Variants in PIEZO2 observed in about 807,000 individuals in gnomAD.
PIEZO2 encodes piezo type mechanosensitive ion channel component 2.
In PIEZO2, 172 loss-of-function variants were observed where a neutral mutation model predicts 337.3. The ratio of observed to expected loss-of-function variants is 0.51; its 90% CI spans 0.45 to 0.58. The LOEUF (loss-of-function observed/expected upper bound fraction) is 0.58. PIEZO2 is among the 20% of genes least tolerant of loss of function. The pLI, the probability that PIEZO2 is intolerant of heterozygous loss-of-function variation, is 0.00. For missense variants in PIEZO2, 3,028 were observed against 3,391.3 expected (o/e 0.89, Z 2.66); for synonymous variants, 1,251 against 1,228.5 (o/e 1.02, Z -0.38).
At chr18:10,738,570 T>C (rs1479661511) in intron 33 of PIEZO2, 1 of 152,216 alleles carries the variant, frequency 6.6e-6, no homozygotes. Context: ...ATTCATGCCA[T>C]CTGTTAAATT....
At chr18:10,808,755 A>C (rs1202262365) in intron 7 of PIEZO2, among the ~76,000 whole-genome samples, 2 of 152,198 alleles carry the variant, frequency 1.3e-5, no homozygotes, top group Non-Finnish European at 2.9e-5. Flanking sequence ...CTTTCTGAAA[A>C]TGTTTTTGCA....
chr18:10,700,690 C>T (rs1306559953), intron 43 of PIEZO2, among the ~76,000 whole-genome samples: 2 of 152,078 alleles, frequency 1.3e-5, no homozygotes, highest in East Asian at 1.9e-4. Context: ...GTATTAAATA[C>T]TGAAATTTAA....
At chr18:11,100,877 G>GTA (rs1179298496) in intron 1 of PIEZO2, among the ~76,000 whole-genome samples, 6 of 152,182 alleles carry the variant, frequency 3.9e-5, no homozygotes, top group Non-Finnish European at 8.8e-5. Context: ...TTACAGGCAT[G>GTA]AGCCACCGTG....
intron 2 of PIEZO2, among the ~76,000 whole-genome samples, chr18:11,013,773 TGTG>T (rs981598089): frequency 7.9e-5 from 12 of 152,306 alleles, no homozygotes; most frequent in African/African-American, 2.4e-4. Flanking sequence ...GGTCCTTTGA[TGTG>T]GTGAGATGGG....
chr18:10,977,743 G>A (rs142856898), intron 3 of PIEZO2, among the ~76,000 whole-genome samples: 130 of 152,166 alleles, frequency 8.5e-4, no homozygotes, highest in African/African-American at 3.0e-3. Flanking sequence ...CCAAGAAAAG[G>A]GTTAAAGTAT....
At position 10,993,513 on chromosome 18, in the gene PIEZO2, T is replaced by TTTGTTGTTG. The variant is rs143536796; in HGVS notation, c.161-13862_161-13854dup. Among the ~76,000 whole-genome samples the TTTGTTGTTG allele has an allele frequency of 2.0e-5, 3 of 151,616 alleles. No homozygotes were observed. The highest frequency in any genetic ancestry group is 6.6e-5 in the Admixed American group (1 of 15,224). On this transcript the variant is annotated intron_variant, in intron 2 of 55. Transcript: ENST00000674853. This position sits in a 1 kb window ranked among gnomAD's most constrained non-coding sequence, Gnocchi z 5.0. The stretch of plus-strand genomic sequence containing the variant: ...TTCTGTTTATGTGATAGATTACGTT[T>TTTGTTGTTG]TTGTTGTTGTTGTTGTTGTTGTTGT...
chr18:11,027,956 A>G lies in PIEZO2; in HGVS notation c.160+38171T>C, dbSNP rs375769778. Among the ~76,000 whole-genome samples, 2 of 152,236 alleles carry G rather than the reference A, an allele frequency of 1.3e-5. No individual in the cohort carries two copies. Among genetic ancestry groups the G allele is most frequent in the Non-Finnish European group, 2.9e-5 (2 of 68,040 alleles). ...GTACTCTTTGATAAATTCTTCAAAC[A>G]CTGTTTCTGAGAATGATCTCACAGA... On this transcript the variant is annotated intron_variant, in intron 2 of 55. Transcript: ENST00000674853. This position sits in a 1 kb window ranked among gnomAD's most constrained non-coding sequence, Gnocchi z 4.2.
chr18:11,008,511 C>T (rs1412396268), intron 2 of PIEZO2, among the ~76,000 whole-genome samples: 1 of 152,168 alleles, frequency 6.6e-6, no homozygotes, highest in Non-Finnish European at 1.5e-5. Flanking sequence ...CTGTGTGAGC[C>T]TGTCTTTGGC....
rs778544795 is a variant in PIEZO2, at chr18:10,804,041, T to C, written c.1081-47A>G. 12 of 1,528,610 alleles carry C rather than the reference T, an allele frequency of 7.9e-6. No individual in the cohort carries two copies. In the South Asian group the frequency reaches 1.4e-4, roughly 18 times the overall value. 94.7% of individuals were successfully genotyped at this position (1,528,610 alleles called of 1,614,324 possible). A position where few individuals can be genotyped will look rare whatever the true frequency, so the allele number is the denominator to read the frequency against. On this transcript the variant is annotated intron_variant, in intron 8 of 55. Coordinates refer to ENST00000674853, the MANE Select transcript of PIEZO2 (RefSeq NM_001378183.1). ...AGTCTTGCTTCCTGAGGCAGTTCCCTAGACAGCCTGGGTGGCCAAGACAGA... is the reference window on the plus strand; with the variant it reads ...AGTCTTGCTTCCTGAGGCAGTTCCCCAGACAGCCTGGGTGGCCAAGACAGA...
intron 3 of PIEZO2, among the ~76,000 whole-genome samples, chr18:10,914,463 C>A (rs1035106616): frequency 4.6e-5 from 7 of 151,954 alleles, no homozygotes; most frequent in Non-Finnish European, 7.4e-5. Flanking sequence ...CTTGCAGCCC[C>A]CTGCATACTT....
At chr18:10,814,359 A>G (rs2040297800) in intron 7 of PIEZO2, among the ~76,000 whole-genome samples, 2 of 152,224 alleles carry the variant, frequency 1.3e-5, no homozygotes, top group South Asian at 4.1e-4. Flanking sequence ...GCCAGGAAAT[A>G]TATTGTTTCC....
In PIEZO2 at chr18:11,146,754, G is replaced by A. The variant is rs2040821560; in HGVS notation, c.64+1771C>T. 6.6e-6 allele frequency among the ~76,000 whole-genome samples: 1 copy of A among 152,208 alleles called. No individual in the cohort carries two copies. The highest frequency in any genetic ancestry group is 6.5e-5 in the Admixed American group (1 of 15,290). ...GGTGCCAAGTCACAGAGTGGACCGA[G>A]CTGGCTGCAGGGAACCACATGCCTA... On this transcript the variant is annotated intron_variant, in intron 1 of 55. Coordinates refer to ENST00000674853, the MANE Select transcript of PIEZO2 (RefSeq NM_001378183.1). The surrounding 1 kb of genome is among the most constrained non-coding windows in gnomAD (Gnocchi z 6.1).
chr18:10,683,267 C>A (rs1471472211), intron 49 of PIEZO2, among the ~76,000 whole-genome samples: 1 of 152,236 alleles, frequency 6.6e-6, no homozygotes, highest in South Asian at 2.1e-4. Flanking sequence ...AGGAGAGAGA[C>A]CTGGGAGTCA....
At chr18:10,889,709 C>G (rs1455675540) in intron 4 of PIEZO2, among the ~76,000 whole-genome samples, 3 of 152,206 alleles carry the variant, frequency 2.0e-5, no homozygotes. Context: ...TTCTGAAGCT[C>G]TTTACACAGT....
In PIEZO2 at chr18:10,945,092, GC is replaced by G. The variant is rs1361204473; in HGVS notation, c.287-33865del. Reference sequence around the variant, plus strand: ...GAATAGATTGCAGCACAGAAGAAGGGCCCCGGAGATCTGTGAATTCAGCCAA... The same window carrying G: ...GAATAGATTGCAGCACAGAAGAAGGGCCCGGAGATCTGTGAATTCAGCCAA... On this transcript the variant is annotated intron_variant, in intron 3 of 55. Transcript: ENST00000674853. This position sits in a 1 kb window ranked among gnomAD's most constrained non-coding sequence, Gnocchi z 4.0. Among the ~76,000 whole-genome samples, 2 of 152,112 alleles carry G rather than the reference GC, an allele frequency of 1.3e-5. No individual in the cohort carries two copies. Among genetic ancestry groups the G allele is most frequent in the Non-Finnish European group, 2.9e-5 (2 of 68,008 alleles).
chr18:10,691,394 A>G lies in PIEZO2; in HGVS notation c.7191-11T>C. The G allele has an allele frequency of 1.2e-6, 2 of 1,609,256 alleles. No homozygotes were observed. Among genetic ancestry groups the G allele is most frequent in the South Asian group, 1.1e-5 (1 of 90,266 alleles). On this transcript the variant is annotated splice_polypyrimidine_tract_variant and intron_variant, in intron 47 of 55. Coordinates refer to ENST00000674853, the MANE Select transcript of PIEZO2 (RefSeq NM_001378183.1). The stretch of plus-strand genomic sequence containing the variant: ...TTCTGGCTGAATTTCCTAAAATGTA[A>G]AAGTACAGAAAGTGAAGCAATGAAA...
chr18:10,856,274 T>C lies in PIEZO2; in HGVS notation c.704-708A>G, dbSNP rs913041327. Among the ~76,000 whole-genome samples the C allele has an allele frequency of 6.6e-6, 1 of 152,168 alleles. No individual in the cohort carries two copies. The highest frequency in any genetic ancestry group is 1.5e-5 in the Non-Finnish European group (1 of 68,024). On this transcript the variant is annotated intron_variant, in intron 6 of 55. Coordinates refer to ENST00000674853, the MANE Select transcript of PIEZO2 (RefSeq NM_001378183.1). This position sits in a 1 kb window ranked among gnomAD's most constrained non-coding sequence, Gnocchi z 4.7. ...TTAGGGCAAAAGGAGTCTGTTTTAT[T>C]GGGCATTTTGAAAGGACTCCTCATT...
rs2035638273 is a variant in PIEZO2, at chr18:10,707,605, G to A, written c.5588+670C>T. Among the ~76,000 whole-genome samples, 2 of 152,172 alleles carry A rather than the reference G, an allele frequency of 1.3e-5. No homozygotes were observed. The highest frequency in any genetic ancestry group is 1.9e-4 in the East Asian group (1 of 5,196). ...CTAAGGCAATTCAAAAAGAGTTTTCGGGTTGTATGCAAATAATTTTATTTC... is the reference window on the plus strand; with the variant it reads ...CTAAGGCAATTCAAAAAGAGTTTTCAGGTTGTATGCAAATAATTTTATTTC... On this transcript the variant is annotated intron_variant, in intron 40 of 55. Transcript: ENST00000674853. This position sits in a 1 kb window ranked among gnomAD's most constrained non-coding sequence, Gnocchi z 4.2.
At position 10,894,450 on chromosome 18, in the gene PIEZO2, G is replaced by C. The variant is rs986835855; in HGVS notation, c.329+16736C>G. 1.3e-5 allele frequency: 2 copies of C among 151,948 alleles called. No homozygotes were observed. The highest frequency in any genetic ancestry group is 2.4e-5 in the African/African-American group (1 of 41,324). 9.4% of individuals were successfully genotyped at this position (151,948 alleles called of 1,614,324 possible). ...GCCTGGGCAATAAGAGCAAAACTCCGTCCCAAAAAAAGAAAAAAAAGGCAA... is the reference window on the plus strand; with the variant it reads ...GCCTGGGCAATAAGAGCAAAACTCCCTCCCAAAAAAAGAAAAAAAAGGCAA... On this transcript the variant is annotated intron_variant, in intron 4 of 55. Coordinates refer to ENST00000674853, the MANE Select transcript of PIEZO2 (RefSeq NM_001378183.1). The surrounding 1 kb of genome is among the most constrained non-coding windows in gnomAD (Gnocchi z 4.1).
Sources: gnomAD v4.1 joint callset for allele counts (sites outside exome capture counted in the v4.1 genomes callset) on GRCh38, gnomAD v4.1.1 for gene constraint, Gnocchi (gnomAD v3.1) non-coding constraint, MANE v1.5 for transcripts, NCBI Gene and HGNC (gene_info 2026-07-23, HGNC 2026-07-21) for gene names.